Variants in EQTN observed in about 807,000 individuals in gnomAD.
EQTN encodes the protein Acrosome formation associated factor.
A neutral mutation model predicts 26.9 loss-of-function variants in EQTN; 29 were observed. The ratio of observed to expected loss-of-function variants is 1.08; its 90% CI spans 0.80 to 1.47. EQTN has a LOEUF of 1.47. EQTN is among the 40% of genes most tolerant of loss of function. EQTN has a pLI of 0.00. For synonymous variants in EQTN, 129 were observed against 120.0 expected, an observed-to-expected ratio of 1.07 and a Z score of -0.49; for missense variants, 391 against 346.1, an observed-to-expected ratio of 1.13 and a Z score of -1.03.
intron 1 of EQTN, 109 bp downstream of exon 1, chr9:27,296,871 C>T: frequency 6.4e-7 from 1 of 1,555,422 alleles, no homozygotes; most frequent in Non-Finnish European, 8.6e-7. Flanking sequence ...ATAGCTCCAA[C>T]AATAAAGTTT....
chr9:27,294,480 T>C, intron 2 of EQTN, 78 bp from the exon 3 acceptor site: 1 of 846,264 alleles, frequency 1.2e-6, no homozygotes, highest in Non-Finnish European at 1.8e-6. Context: ...TCTGAGTTTT[T>C]TTCTTAAAAC....
At position 27,292,525 on chromosome 9, in the gene EQTN, T is replaced by C. The variant is rs763853905; in HGVS notation, c.290-38A>G. On this transcript the variant is annotated intron_variant, in intron 3 of 7. Coordinates refer to ENST00000380032, the MANE Select transcript of EQTN (RefSeq NM_020641.3). ...AAAAAGAATTATCAGCATGTAAAAATACTGACGAAACATCTGAGAATAGAT... is the reference window on the plus strand; with the variant it reads ...AAAAAGAATTATCAGCATGTAAAAACACTGACGAAACATCTGAGAATAGAT... 3 of 1,268,162 alleles carry C rather than the reference T, an allele frequency of 2.4e-6. No individual in the cohort carries two copies. In the African/African-American group the frequency reaches 4.5e-5, roughly 19 times the overall value. 78.6% of individuals were successfully genotyped at this position (1,268,162 alleles called of 1,614,324 possible).
At chr9:27,295,044 C>A (rs189796697) in intron 2 of EQTN, among the ~76,000 whole-genome samples, 85 of 152,290 alleles carry the variant, frequency 5.6e-4, no homozygotes, top group Non-Finnish European at 4.4e-5. Context: ...TCTATACACA[C>A]ACGAATGTAT....
At chr9:27,290,734 G>A (rs1206355809) in intron 5 of EQTN, among the ~76,000 whole-genome samples, 1 of 152,156 alleles carries the variant, frequency 6.6e-6, no homozygotes, top group African/African-American at 2.4e-5. Context: ...CAAATACAAA[G>A]ATGAATGATA....
chr9:27,293,969 A>G (rs902526292), intron 3 of EQTN, among the ~76,000 whole-genome samples: 2 of 152,198 alleles, frequency 1.3e-5, no homozygotes, highest in African/African-American at 4.8e-5. Flanking sequence ...TGGGTTTAAG[A>G]AAGATGTAAA....
At chr9:27,289,286 G>T (rs913741160) in intron 6 of EQTN, among the ~76,000 whole-genome samples, 9 of 152,268 alleles carry the variant, frequency 5.9e-5, no homozygotes, top group Non-Finnish European at 1.0e-4. Context: ...AACTAAAAAA[G>T]AATGCTTGGG....
chr9:27,289,893 C>A (rs532753288), intron 5 of EQTN, among the ~76,000 whole-genome samples, 162 bp from the exon 6 acceptor site: 2 of 152,134 alleles, frequency 1.3e-5, no homozygotes, highest in Non-Finnish European at 2.9e-5. Flanking sequence ...ACTGTATTAA[C>A]GAATACTGAA....
At chr9:27,286,137 T>TGTGGG in intron 7 of EQTN, 72 bp downstream of exon 7, 1 of 1,440,988 alleles carries the variant, frequency 6.9e-7, no homozygotes, top group South Asian at 1.3e-5. Flanking sequence ...CCTAAGAATC[T>TGTGGG]ACTAAAGAGA....
chr9:27,295,859 G>GAAAAA (rs1563833686), intron 2 of EQTN, among the ~76,000 whole-genome samples: 32 of 128,398 alleles, frequency 2.5e-4, no homozygotes, highest in African/African-American at 9.2e-4. Context: ...AAAAAACAAC[G>GAAAAA]ATAAAATTAC....
chr9:27,291,053 TG>T lies in EQTN; in HGVS notation c.386del (p.Pro129GlnfsTer10). 6.2e-7 allele frequency: 1 copy of T among 1,611,752 alleles called. No individual in the cohort carries two copies. The highest frequency in any genetic ancestry group is 8.5e-7 in the Non-Finnish European group (1 of 1,179,088). On this transcript the variant is annotated frameshift_variant, in exon 5 of 8. Transcript: ENST00000380032. LOFTEE classifies it high-confidence loss of function. ...ACATTGTCCAAAATGCAGGCACGTT[TG>T]GGGTTGATCCTGTTAAAACAAAACA... ...PSHKNIQRST[P>X]NVPAFWTMLA...
At chr9:27,290,189 A>C (rs915405275) in intron 5 of EQTN, among the ~76,000 whole-genome samples, 11 of 152,208 alleles carry the variant, frequency 7.2e-5, no homozygotes, top group African/African-American at 2.7e-4. Context: ...GGGCCATTTT[A>C]AACAGCAAAA....
At chr9:27,291,450 G>A (rs1261499583) in intron 4 of EQTN, among the ~76,000 whole-genome samples, 1 of 152,202 alleles carries the variant, frequency 6.6e-6, no homozygotes, top group Admixed American at 6.5e-5. Context: ...AGGTGAGAGC[G>A]AGCTCATTCC....
chr9:27,295,313 G>A (rs112863351), intron 2 of EQTN, among the ~76,000 whole-genome samples: 6 of 152,248 alleles, frequency 3.9e-5, no homozygotes, highest in Non-Finnish European at 8.8e-5. Flanking sequence ...CATGAGTTAT[G>A]AAAGTATAAA....
At chr9:27,296,332 A>G (rs1820342757) in intron 2 of EQTN, among the ~76,000 whole-genome samples, 1 of 152,208 alleles carries the variant, frequency 6.6e-6, no homozygotes, top group African/African-American at 2.4e-5. Flanking sequence ...ATACAATAAA[A>G]TAAAATAAGC....
chr9:27,289,387 T>G (rs1263968310), intron 6 of EQTN, among the ~76,000 whole-genome samples: 1 of 152,194 alleles, frequency 6.6e-6, no homozygotes, highest in Non-Finnish European at 1.5e-5. Flanking sequence ...ATTATCATCA[T>G]AAAGACACTA....
chr9:27,294,597 A>G, intron 2 of EQTN, 195 bp from the exon 3 acceptor site: 1 of 368,862 alleles, frequency 2.7e-6, no homozygotes, highest in Non-Finnish European at 4.9e-6. Context: ...AAAAAAGCCA[A>G]ACTAGTATCT....
At chr9:27,289,637 A>G (rs967071045) in intron 6 of EQTN, 35 bp downstream of exon 6, 4 of 1,566,514 alleles carry the variant, frequency 2.6e-6, no homozygotes, top group Non-Finnish European at 3.5e-6. Context: ...GGCATTAGCC[A>G]CTGCACCCAG....
chr9:27,297,002 G>T lies in EQTN; in HGVS notation c.54C>A (p.Ser18Arg). The T allele has an allele frequency of 6.2e-7, 1 of 1,611,120 alleles. No individual in the cohort carries two copies. Among genetic ancestry groups the T allele is most frequent in the Non-Finnish European group, 8.5e-7 (1 of 1,178,832 alleles). ...CACCTTCAATAGTAGGCTTCAAAGTGCTACTTTTTAAGGAAAAAACTCCAG... is the reference window on the plus strand; with the variant it reads ...CACCTTCAATAGTAGGCTTCAAAGTTCTACTTTTTAAGGAAAAAACTCCAG... ...FIPGVFSLKSSTLKPTIEALP... is the reference protein window; with the variant it reads ...FIPGVFSLKSRTLKPTIEALP... Residue 18 changes from serine to arginine, a missense_variant, in exon 1 of 8, where the codon AGC becomes AGA. Ser to Arg is a moderately radical substitution (Grantham distance 110). Coordinates refer to ENST00000380032, the MANE Select transcript of EQTN (RefSeq NM_020641.3).
At chr9:27,286,646 G>A (rs758270901) in intron 6 of EQTN, among the ~76,000 whole-genome samples, 1 of 152,158 alleles carries the variant, frequency 6.6e-6, no homozygotes, top group Non-Finnish European at 1.5e-5. Context: ...ATAGTAAGTG[G>A]CAAAAGCTGG....
Sources: gnomAD v4.1 joint callset for allele counts (sites outside exome capture counted in the v4.1 genomes callset) on GRCh38, gnomAD v4.1.1 for gene constraint, MANE v1.5 for transcripts, NCBI Gene and HGNC (gene_info 2026-07-23, HGNC 2026-07-21) for gene names.